CDC42BPB: variants seen among roughly 807,000 people sequenced by gnomAD.
CDC42BPB encodes CDC42 binding protein kinase beta.
In CDC42BPB, 37 loss-of-function variants were observed where a neutral mutation model predicts 214.9. That is an observed-to-expected ratio of 0.17 (90% CI 0.13 to 0.23). The LOEUF (loss-of-function observed/expected upper bound fraction) is 0.23, where lower values mean the gene tolerates loss of function less well. Among genes scored for constraint, CDC42BPB ranks in the 10% least tolerant of loss-of-function variants. The pLI, the probability that CDC42BPB is intolerant of heterozygous loss-of-function variation, is 1.00. For synonymous variants in CDC42BPB, 931 were observed against 884.0 expected (o/e 1.05, Z -0.94); for missense variants, 1,694 against 2,227.0 (o/e 0.76, Z 4.82).
intron 6 of CDC42BPB, 128 bp from the exon 7 acceptor site, chr14:102,983,884 G>A (rs1455928140): frequency 4.1e-6 from 6 of 1,454,898 alleles, no homozygotes; most frequent in Non-Finnish European, 1.8e-6. Context: ...ATGAATGATC[G>A]TGTTTTTTAA....
chr14:102,995,812 G>A (rs1894703013), intron 5 of CDC42BPB, among the ~76,000 whole-genome samples: 1 of 152,174 alleles, frequency 6.6e-6, no homozygotes, highest in Non-Finnish European at 1.5e-5. Context: ...ATCGGCCAGC[G>A]GCACCACTCT....
chr14:102,940,425 C>T (rs1595445948), intron 30 of CDC42BPB, 101 bp from the exon 31 acceptor site: 18 of 1,529,334 alleles, frequency 1.2e-5, no homozygotes, highest in East Asian at 4.9e-5. Flanking sequence ...AGTGCAGAGG[C>T]GGCAGCACTG....
intron 9 of CDC42BPB, among the ~76,000 whole-genome samples, chr14:102,977,395 T>C (rs944987382): frequency 4.6e-5 from 7 of 151,720 alleles, no homozygotes. Context: ...CAAGACATTT[T>C]CAACTGTGGT....
chr14:103,014,168 A>AC (rs11422736), intron 1 of CDC42BPB, among the ~76,000 whole-genome samples: 80,982 of 108,844 alleles, frequency 0.74, 26,992 homozygotes, highest in African/African-American at 0.85. Flanking sequence ...TCCGTCTCAA[A>AC]AAAAAAAAAA....
intron 33 of CDC42BPB, 50 bp downstream of exon 33, chr14:102,939,780 C>T: frequency 6.2e-7 from 1 of 1,613,996 alleles, no homozygotes; most frequent in East Asian, 2.2e-5. Flanking sequence ...ATCCTCTTGG[C>T]CCCCTCCCTA....
chr14:102,974,139 C>T lies in CDC42BPB; in HGVS notation c.1518G>A (p.Arg506=). Residue 506 remains arginine, a synonymous_variant, in exon 12 of 37, where the codon AGG becomes AGA. Transcript: ENST00000361246. The part of the protein sequence containing the change: ...RLKNKIADSN[R]LERQLEDTVA... The stretch of plus-strand genomic sequence containing the variant: ...CTGTGTCCTCAAGCTGTCGCTCGAG[C>T]CTGTTTGAATCTGGACAAAAGAGGA... The T allele has an allele frequency of 1.2e-6, 2 of 1,613,414 alleles. No individual in the cohort carries two copies. The highest frequency in any genetic ancestry group is 1.7e-6 in the Non-Finnish European group (2 of 1,179,738).
At chr14:102,946,402 G>A in intron 28 of CDC42BPB, 66 bp downstream of exon 28, 1 of 1,540,272 alleles carries the variant, frequency 6.5e-7, no homozygotes, top group African/African-American at 1.4e-5. Flanking sequence ...TTTCAGATGG[G>A]CACTGCAGCG....
chr14:103,040,956 T>A (rs974468470), intron 1 of CDC42BPB, among the ~76,000 whole-genome samples: 3 of 152,144 alleles, frequency 2.0e-5, no homozygotes, highest in Non-Finnish European at 4.4e-5. Flanking sequence ...TCAAAGAACT[T>A]AGAAAGAATT....
At chr14:102,952,357 C>A (rs1022840767) in intron 24 of CDC42BPB, 141 bp downstream of exon 24, 5 of 602,608 alleles carry the variant, frequency 8.3e-6, no homozygotes, top group Non-Finnish European at 1.5e-5. Flanking sequence ...CTAAAAAAAA[C>A]CCTGTCCTCA....
Position 102,946,223 on chromosome 14 carries a change from C to A in CDC42BPB, c.3748+245G>T, listed in dbSNP as rs185313795. 7.4e-4 allele frequency among the ~76,000 whole-genome samples: 112 copies of A among 152,104 alleles called. No individual in the cohort carries two copies. In the East Asian group the frequency reaches 0.02, roughly 28 times the overall value. ...TTTTTTTAGCAGAGACAGGGTTTCA[C>A]CGTGTTAGCCAGGATGGTCTCAACC... On this transcript the variant is annotated intron_variant, in intron 28 of 36. Coordinates refer to ENST00000361246, the MANE Select transcript of CDC42BPB (RefSeq NM_006035.4).
At chr14:102,952,648 TGA>T (rs1892542658) in intron 23 of CDC42BPB, 45 bp from the exon 24 acceptor site, 7 of 1,582,414 alleles carry the variant, frequency 4.4e-6, no homozygotes, top group Non-Finnish European at 5.2e-6. Flanking sequence ...CATGGACTCT[TGA>T]GAGTCAGATC....
At chr14:103,015,471 G>C (rs1382882378) in intron 1 of CDC42BPB, among the ~76,000 whole-genome samples, 1 of 152,032 alleles carries the variant, frequency 6.6e-6, no homozygotes, top group Admixed American at 6.6e-5. Context: ...TGGGCAACAA[G>C]AGCAAAACTC....
chr14:102,967,145 G>C lies in CDC42BPB; in HGVS notation c.2372C>G (p.Thr791Arg). ...ATCCTCCAGCTGTCTATTTTGAGCT[G>C]TGAGTTTATCCACAAAGGAACAGAG... ...EKLCSFVDKL[T>R]AQNRQLEDEL... Residue 791 changes from threonine to arginine, a missense_variant, in exon 17 of 37, where the codon ACA becomes AGA. Around this residue, in one of 7 missense-constraint regions of CDC42BPB, gnomAD observed 462 missense variants for 513.5 expected, o/e 0.90. Coordinates refer to ENST00000361246, the MANE Select transcript of CDC42BPB (RefSeq NM_006035.4). 6.2e-7 allele frequency: 1 copy of C among 1,614,052 alleles called. No individual in the cohort carries two copies. The highest frequency in any genetic ancestry group is 8.5e-7 in the Non-Finnish European group (1 of 1,179,928).
chr14:102,982,689 T>G (rs1271228429), intron 7 of CDC42BPB, among the ~76,000 whole-genome samples: 1 of 152,070 alleles, frequency 6.6e-6, no homozygotes, highest in Non-Finnish European at 1.5e-5. Context: ...GAGAATCGCT[T>G]GAACCTGGGA....
intron 1 of CDC42BPB, among the ~76,000 whole-genome samples, chr14:103,015,841 C>T (rs1039233545): frequency 1.1e-4 from 16 of 151,584 alleles, no homozygotes; most frequent in Non-Finnish European, 2.1e-4. Flanking sequence ...CCCGAGTAGC[C>T]GGGATTACAG....
Position 102,954,498 on chromosome 14 carries a change from C to A in CDC42BPB, c.2988+104G>T, listed in dbSNP as rs563778051. The A allele has an allele frequency of 6.3e-5, 87 of 1,376,880 alleles. 2 individuals are homozygous for A. The Middle Eastern group carries it at 1.2e-3, about 19-fold the overall frequency. 85.3% of individuals were successfully genotyped at this position (1,376,880 alleles called of 1,614,324 possible). On this transcript the variant is annotated intron_variant, in intron 22 of 36. Transcript: ENST00000361246. ...TGGGCTTGAGCACCTGGGCAGAGGC[C>A]CTCGCTGCAAACTGTTATGCAGGGG...
chr14:102,964,199 G>A (rs1893084744), intron 19 of CDC42BPB, among the ~76,000 whole-genome samples: 1 of 152,232 alleles, frequency 6.6e-6, no homozygotes, highest in South Asian at 2.1e-4. Flanking sequence ...GTCAGACAGC[G>A]GTGTGAGTCT....
chr14:102,936,874 TTAAAG>T (rs1162694990), intron 36 of CDC42BPB: 2 of 152,192 alleles, frequency 1.3e-5, no homozygotes, highest in African/African-American at 2.4e-5. Context: ...TAAAGTAACT[TTAAAG>T]TAGTTATTTT....
intron 5 of CDC42BPB, among the ~76,000 whole-genome samples, chr14:102,991,428 G>C (rs976631744): frequency 6.6e-6 from 1 of 152,238 alleles, no homozygotes; most frequent in Non-Finnish European, 1.5e-5. Context: ...TAGATTAAAA[G>C]AGATTAAAGA....
Sources: gnomAD v4.1 joint callset for allele counts (sites outside exome capture counted in the v4.1 genomes callset) on GRCh38, gnomAD v4.1.1 for gene constraint, gnomAD v4.1.1 regional missense constraint, MANE v1.5 for transcripts, NCBI Gene and HGNC (gene_info 2026-07-23, HGNC 2026-07-21) for gene names.